Variants in ORC3 observed in about 807,000 individuals in gnomAD.
ORC3 encodes homolog of latheo, Drosophila.
In ORC3, 78 loss-of-function variants were observed where a neutral mutation model predicts 100.7. The observed-to-expected ratio is 0.77, with a 90% CI of 0.65 to 0.94. ORC3 has a LOEUF of 0.94. ORC3 is among the 40% of genes least tolerant of loss of function. The pLI, the probability that ORC3 is intolerant of heterozygous loss-of-function variation, is 0.00. For synonymous variants in ORC3, 295 were observed against 289.3 expected, an observed-to-expected ratio of 1.02 and a Z score of -0.20; for missense variants, 789 against 823.9, an observed-to-expected ratio of 0.96 and a Z score of 0.52.
intron 13 of ORC3, among the ~76,000 whole-genome samples, chr6:87,648,952 AT>A (rs943336038): frequency 6.6e-6 from 1 of 152,232 alleles, no homozygotes; most frequent in African/African-American, 2.4e-5. Flanking sequence ...AGTCTAAAAT[AT>A]AAACATTGTT....
downstream of ORC3, among the ~76,000 whole-genome samples, chr6:87,671,498 G>A (rs1770830715): frequency 6.6e-6 from 1 of 151,962 alleles, no homozygotes; most frequent in Admixed American, 6.6e-5. Flanking sequence ...GATGTCACAT[G>A]AAGACGTTAA....
At position 87,664,799 on chromosome 6, in the gene ORC3, C is replaced by T. The variant is rs1455963832; in HGVS notation, c.1890C>T (p.Cys630=). The T allele has an allele frequency of 1.2e-6, 2 of 1,614,002 alleles. No homozygotes were observed. The highest frequency in any genetic ancestry group is 4.5e-5 in the East Asian group (2 of 44,898). ...TTCCGAATATCGCCCCAGACATCTG[C>T]ATAGCATACAAACTGCACCTAGAGT... ...GCIPNIAPDI[C]IAYKLHLECS... Residue 630 remains cysteine (C), a synonymous_variant, in exon 18 of 20, where the codon TGC becomes TGT. Transcript: ENST00000392844.
intron 8 of ORC3, among the ~76,000 whole-genome samples, chr6:87,615,401 G>A (rs960504788): frequency 6.6e-6 from 1 of 152,128 alleles, no homozygotes; most frequent in Non-Finnish European, 1.5e-5. Context: ...TGTGCTTTAT[G>A]CTGCTTATTT....
chr6:87,591,445 G>A (rs777311522), intron 1 of ORC3, among the ~76,000 whole-genome samples: 1 of 152,206 alleles, frequency 6.6e-6, no homozygotes, highest in Non-Finnish European at 1.5e-5. Context: ...AAGCCCTGGG[G>A]TTTAAGGTTA....
chr6:87,662,367 G>A (rs375254234), intron 16 of ORC3, among the ~76,000 whole-genome samples: 2 of 152,150 alleles, frequency 1.3e-5, no homozygotes, highest in Non-Finnish European at 2.9e-5. Flanking sequence ...GGGAGGCAGA[G>A]GTTGCAGTGA....
rs1171786443 is a variant in ORC3, at chr6:87,667,095, T to G, written c.2108T>G (p.Val703Gly). 1 of 1,609,764 alleles carries G rather than the reference T, an allele frequency of 6.2e-7. No individual in the cohort carries two copies. Among genetic ancestry groups the G allele is most frequent in the Non-Finnish European group, 8.5e-7 (1 of 1,177,810 alleles). Residue 703 changes from valine (V) to glycine (G), a missense_variant, in exon 20 of 20, where the codon GTG becomes GGG. Val to Gly is a moderately radical substitution (Grantham distance 109, BLOSUM62 -3). This residue lies in a region of ORC3 where 366 missense variants were observed against 394.2 expected (regional missense o/e 0.93). Transcript: ENST00000392844. ...CCTACCAAACAGAAGACTGACCATGTGGCAAGACTAACATGGGGAGGCTGC... is the reference window on the plus strand; with the variant it reads ...CCTACCAAACAGAAGACTGACCATGGGGCAAGACTAACATGGGGAGGCTGC... The part of the protein sequence containing the change: ...IKPTKQKTDH[V>G]ARLTWGGC
At chr6:87,675,656 A>G in the ORC3 span, 1 of 1,606,602 alleles carries the variant, frequency 6.2e-7, no homozygotes, top group East Asian at 2.2e-5. Context: ...GTCAAAATCC[A>G]AACGAATACT....
At chr6:87,653,066 G>A in intron 13 of ORC3, 50 bp from the exon 14 acceptor site, 1 of 1,426,916 alleles carries the variant, frequency 7.0e-7, no homozygotes. Context: ...TGTTTTTTAA[G>A]TGTTAATTTT....
the ORC3 span, chr6:87,675,360 C>T: frequency 1.8e-6 from 1 of 548,344 alleles, no homozygotes; most frequent in Non-Finnish European, 3.3e-6. Flanking sequence ...TGTAATGATA[C>T]AGCAAAATGA....
At chr6:87,660,232 A>T (rs1035529592) in intron 16 of ORC3, among the ~76,000 whole-genome samples, 1 of 152,190 alleles carries the variant, frequency 6.6e-6, no homozygotes, top group African/African-American at 2.4e-5. Context: ...AGTATAATTA[A>T]ATGTGTTTTG....
At chr6:87,590,339 G>T (rs1010212849) in intron 1 of ORC3, 147 bp downstream of exon 1, 13 of 864,858 alleles carry the variant, frequency 1.5e-5, no homozygotes, top group Non-Finnish European at 2.3e-5. Flanking sequence ...CCTTGCTCCA[G>T]ATCAGTTGAG....
At chr6:87,666,941 A>G (rs1763658797) in intron 19 of ORC3, 77 bp from the exon 20 acceptor site, 2 of 775,152 alleles carry the variant, frequency 2.6e-6, no homozygotes, top group African/African-American at 3.5e-5. Flanking sequence ...TTTACCAACT[A>G]GTATTTTAAC....
chr6:87,659,299 T>C (rs1278313099), intron 16 of ORC3, among the ~76,000 whole-genome samples: 1 of 151,622 alleles, frequency 6.6e-6, no homozygotes, highest in East Asian at 2.0e-4. Flanking sequence ...CCTGACCTCA[T>C]GATCCACCCA....
At chr6:87,667,740 A>C (rs896338815), downstream of ORC3, among the ~76,000 whole-genome samples, 2 of 152,206 alleles carry the variant, frequency 1.3e-5, no homozygotes, top group Admixed American at 6.5e-5. Flanking sequence ...CATCCTGGCC[A>C]ACAAGGTGAA....
In ORC3 at chr6:87,609,126, A is replaced by AT; in HGVS notation, c.610_611insT (p.Arg204MetfsTer5). The AT allele has an allele frequency of 6.2e-7, 1 of 1,603,482 alleles. No homozygotes were observed. Among genetic ancestry groups the AT allele is most frequent in the South Asian group, 1.1e-5 (1 of 88,472 alleles). On this transcript the variant is annotated frameshift_variant, in exon 7 of 20. Transcript: ENST00000392844. LOFTEE classifies it high-confidence loss of function. ...GGACCCAAAAATGCTAAGCAAAAAA[A>AT]GGACTACTTCTAGCCAATGGCAGTC...
chr6:87,614,335 C>CCGTGAAAT (rs1583043550), intron 8 of ORC3, among the ~76,000 whole-genome samples: 1 of 152,174 alleles, frequency 6.6e-6, no homozygotes, highest in South Asian at 2.1e-4. Context: ...TGGGCCCAGC[C>CCGTGAAAT]CGTGAAATCG....
At chr6:87,598,616 T>C (rs1443331310) in intron 2 of ORC3, among the ~76,000 whole-genome samples, 4 of 152,114 alleles carry the variant, frequency 2.6e-5, no homozygotes, top group Non-Finnish European at 5.9e-5. Flanking sequence ...ACCTGATGTG[T>C]ATAATTGTAT....
rs144635011 is a variant in ORC3 at position 87,634,711 on chromosome 6, A to G, written c.1186-134A>G. 294 of 598,412 alleles carry G rather than the reference A, an allele frequency of 4.9e-4. 2 individuals are homozygous for G. The highest frequency in any genetic ancestry group is 4.8e-3 in the African/African-American group (244 of 50,620). The allele number at this position is 598,412 out of a possible 1,614,324, so 37.1% of individuals were successfully genotyped here. On this transcript the variant is annotated intron_variant, in intron 11 of 19. Transcript: ENST00000392844. ...TATTCTGGATTTTATATGTATTTCA[A>G]ATTTTCATGAATTAATTTGTAGTTT...
chr6:87,644,840 C>T (rs1768625627), intron 13 of ORC3, among the ~76,000 whole-genome samples: 1 of 150,696 alleles, frequency 6.6e-6, no homozygotes, highest in African/African-American at 2.5e-5. Context: ...CAAAGCGAGA[C>T]TCCATCCAAA....
Sources: gnomAD v4.1 joint callset for allele counts (sites outside exome capture counted in the v4.1 genomes callset) on GRCh38, gnomAD v4.1.1 for gene constraint, gnomAD v4.1.1 regional missense constraint, MANE v1.5 for transcripts, NCBI Gene and HGNC (gene_info 2026-07-23, HGNC 2026-07-21) for gene names.